DRD3: variants seen among roughly 807,000 people sequenced by gnomAD.
The protein encoded by DRD3 is dopamine receptor D3, also known as D(3) dopamine receptor.
DRD3 carries 19 observed loss-of-function variants against 36.3 expected under a neutral mutation model. That is an observed-to-expected ratio of 0.52 (90% confidence interval 0.36 to 0.77). The LOEUF (loss-of-function observed/expected upper bound fraction) is 0.77. DRD3 is among the 30% of genes least tolerant of loss of function. The pLI, the probability that DRD3 is intolerant of heterozygous loss-of-function variation, is 0.00. For synonymous variants in DRD3, 195 were observed against 203.7 expected, an observed-to-expected ratio of 0.96 and a Z score of 0.36; for missense variants, 465 against 505.3, an observed-to-expected ratio of 0.92 and a Z score of 0.77.
intron 5 of DRD3, 98 bp downstream of exon 5, chr3:114,139,402 C>A: frequency 8.2e-7 from 1 of 1,224,932 alleles, no homozygotes; most frequent in South Asian, 1.7e-5. Flanking sequence ...TTTGTGTCTC[C>A]AATTTAGCTA....
chr3:114,174,341 G>A (rs2077876909), intron 1 of DRD3, among the ~76,000 whole-genome samples: 1 of 152,130 alleles, frequency 6.6e-6, no homozygotes, highest in Admixed American at 6.6e-5. Flanking sequence ...GTCTGCAACT[G>A]GTGAATAATG....
chr3:114,159,730 C>T, intron 3 of DRD3, 25 bp downstream of exon 3: 2 of 1,607,266 alleles, frequency 1.2e-6, no homozygotes, highest in African/African-American at 1.3e-5. Context: ...TTTTGGGCCA[C>T]CTGGAAGGGG....
At chr3:114,198,288 G>C (rs1324420123) in intron 1 of DRD3, among the ~76,000 whole-genome samples, 1 of 151,408 alleles carries the variant, frequency 6.6e-6, no homozygotes, top group African/African-American at 2.4e-5. Flanking sequence ...GGAGTGCAGT[G>C]GTGCAATCAT....
upstream of DRD3, among the ~76,000 whole-genome samples, chr3:114,183,602 G>A (rs1022369110): frequency 3.3e-5 from 5 of 151,612 alleles, no homozygotes; most frequent in Non-Finnish European, 7.4e-5. Flanking sequence ...TATTTTGATC[G>A]TCTGTTATGA....
intron 1 of DRD3, among the ~76,000 whole-genome samples, chr3:114,192,948 AGAT>A (rs939855244): frequency 6.6e-6 from 1 of 152,096 alleles, no homozygotes; most frequent in Non-Finnish European, 1.5e-5. Flanking sequence ...TCCTATAGGT[AGAT>A]TGGAAATTTA....
intron 1 of DRD3, chr3:114,175,938 G>C (rs1316511539): frequency 1.3e-5 from 2 of 152,158 alleles, no homozygotes; most frequent in Admixed American, 6.5e-5. Flanking sequence ...ATTTTAATGA[G>C]CTTTTAAATG....
chr3:114,183,089 G>T (rs986974628), upstream of DRD3, among the ~76,000 whole-genome samples: 1 of 152,154 alleles, frequency 6.6e-6, no homozygotes, highest in East Asian at 1.9e-4. Context: ...CACAGCAGCT[G>T]TATCATTTTA....
At chr3:114,143,799 TAG>T (rs1268636011) in intron 4 of DRD3, among the ~76,000 whole-genome samples, 3 of 152,234 alleles carry the variant, frequency 2.0e-5, no homozygotes, top group Non-Finnish European at 4.4e-5. Flanking sequence ...AGCCAGCTGA[TAG>T]AGTTTTCTTA....
In DRD3 at chr3:114,137,977, C is replaced by G. The variant is rs1433280041; in HGVS notation, c.723+1523G>C. ...TGCGCCACTGCACTCCCGCCTGGGC[C>G]ACAGAGCGAGACTCCGTCTCAAAAA... On this transcript the variant is annotated intron_variant, in intron 5 of 6. Transcript: ENST00000383673. Among the ~76,000 whole-genome samples the G allele has an allele frequency of 4.8e-5, 6 of 124,242 alleles. No homozygotes were observed. The Admixed American group carries it at 6.1e-4, about 13-fold the overall frequency. The allele number at this position is 124,242 out of a possible 152,430, so 81.5% of individuals were successfully genotyped here. A position where few individuals can be genotyped will look rare whatever the true frequency, so the allele number is the denominator to read the frequency against.
chr3:114,146,162 G>T (rs2077567938), intron 4 of DRD3, among the ~76,000 whole-genome samples: 1 of 152,134 alleles, frequency 6.6e-6, no homozygotes, highest in Non-Finnish European at 1.5e-5. Context: ...CTTAAAGTTA[G>T]AATTTGCCTG....
chr3:114,167,891 C>T (rs2077801493), intron 2 of DRD3, among the ~76,000 whole-genome samples: 1 of 152,196 alleles, frequency 6.6e-6, no homozygotes, highest in Non-Finnish European at 1.5e-5. Flanking sequence ...GATTTTCTCT[C>T]TTGCTGTGAA....
At position 114,159,874 on chromosome 3, in the gene DRD3, A is replaced by G; in HGVS notation, c.271-7T>C. The G allele has an allele frequency of 6.2e-7, 1 of 1,613,060 alleles. No individual in the cohort carries two copies. The highest frequency in any genetic ancestry group is 8.5e-7 in the Non-Finnish European group (1 of 1,179,026). On this transcript the variant is annotated splice_polypyrimidine_tract_variant and splice_region_variant and intron_variant, in intron 2 of 6. Transcript: ENST00000383673. Reference sequence around the variant, plus strand: ...TCCAGACTCCACCTGTCACCTGGGTATCAGAGACAAGGATGTTAGTGTTTA... The same window carrying G: ...TCCAGACTCCACCTGTCACCTGGGTGTCAGAGACAAGGATGTTAGTGTTTA...
In DRD3 at chr3:114,128,312, G is replaced by A. The variant is rs2077395602; in HGVS notation, c.*404C>T. ...CTGACAGTTAATTAGAGGTTTGAAG[G>A]AAGACAGACTGGCTGTTCTAGAAGG... On this transcript the variant is annotated 3_prime_UTR_variant, in exon 7 of 7. Transcript: ENST00000383673. Among the ~76,000 whole-genome samples the A allele has an allele frequency of 6.6e-6, 1 of 152,192 alleles. No homozygotes were observed. Among genetic ancestry groups the A allele is most frequent in the South Asian group, 2.1e-4 (1 of 4,836 alleles).
At chr3:114,154,017 G>A (rs935175824) in intron 3 of DRD3, among the ~76,000 whole-genome samples, 1 of 152,174 alleles carries the variant, frequency 6.6e-6, no homozygotes, top group Non-Finnish European at 1.5e-5. Context: ...AGACATAGGT[G>A]CCCCATCCTC....
chr3:114,190,420 A>G (rs1239069042), intron 1 of DRD3, among the ~76,000 whole-genome samples: 20 of 4,532 alleles, frequency 4.4e-3, no homozygotes, highest in African/African-American at 8.6e-3. Flanking sequence ...TAATATATAT[A>G]TATATATATA....
intron 1 of DRD3, among the ~76,000 whole-genome samples, chr3:114,188,917 A>T (rs1198934802): frequency 1.3e-5 from 2 of 152,236 alleles, no homozygotes; most frequent in Non-Finnish European, 2.9e-5. Context: ...ATGTTGTCAA[A>T]GGGAATTACC....
intron 3 of DRD3, among the ~76,000 whole-genome samples, chr3:114,155,854 C>T (rs2077662147): frequency 6.6e-6 from 1 of 152,178 alleles, no homozygotes; most frequent in Middle Eastern, 3.4e-3. Context: ...CATTCTCTGA[C>T]GTCCTTTCCG....
At chr3:114,162,672 G>C (rs2077744973) in intron 2 of DRD3, among the ~76,000 whole-genome samples, 2 of 152,182 alleles carry the variant, frequency 1.3e-5, no homozygotes, top group Non-Finnish European at 2.9e-5. Context: ...AGCTTAGAAA[G>C]AATAAGCACT....
At chr3:114,154,710 G>A (rs562327619) in intron 3 of DRD3, among the ~76,000 whole-genome samples, 8 of 152,226 alleles carry the variant, frequency 5.3e-5, no homozygotes, top group African/African-American at 1.7e-4. Flanking sequence ...TGTGTGATGG[G>A]TGCCATTTGA....
Sources: gnomAD v4.1 joint callset for allele counts (sites outside exome capture counted in the v4.1 genomes callset) on GRCh38, gnomAD v4.1.1 for gene constraint, MANE v1.5 for transcripts, NCBI Gene and HGNC (gene_info 2026-07-23, HGNC 2026-07-21) for gene names.